DZIP3: variants seen among roughly 807,000 people sequenced by gnomAD.
The protein encoded by DZIP3 is E3 ubiquitin-protein ligase DZIP3.
A neutral mutation model predicts 162.0 loss-of-function variants in DZIP3; 118 were observed. The observed-to-expected ratio is 0.73, with a 90% CI of 0.63 to 0.85. DZIP3 has a LOEUF of 0.85. Ranked by LOEUF, DZIP3 falls within the 40% of genes least tolerant of loss-of-function variation. DZIP3 has a pLI of 0.00. For synonymous variants in DZIP3, 438 were observed against 458.6 expected, an observed-to-expected ratio of 0.96 and a Z score of 0.57; for missense variants, 1,331 against 1,407.0, an observed-to-expected ratio of 0.95 and a Z score of 0.86.
chr3:108,607,980 T>A, intron 2 of DZIP3, 109 bp from the exon 3 acceptor site: 1 of 910,966 alleles, frequency 1.1e-6, no homozygotes, highest in South Asian at 1.4e-5. Flanking sequence ...CTTTGATACA[T>A]TTTGGTTACA....
intron 19 of DZIP3, among the ~76,000 whole-genome samples, chr3:108,659,849 C>A (rs1423762430): frequency 6.6e-6 from 1 of 151,932 alleles, no homozygotes; most frequent in African/African-American, 2.4e-5. Context: ...CAATAACAGA[C>A]AAACAGAGAG....
At chr3:108,642,286 G>C in intron 12 of DZIP3, 152 bp from the exon 13 acceptor site, 1 of 826,716 alleles carries the variant, frequency 1.2e-6, no homozygotes, top group Non-Finnish European at 1.8e-6. Context: ...TTTCATTGTT[G>C]GTGAGCTCTA....
At chr3:108,620,749 T>C (rs1476824471) in intron 5 of DZIP3, among the ~76,000 whole-genome samples, 1 of 152,240 alleles carries the variant, frequency 6.6e-6, no homozygotes, top group Non-Finnish European at 1.5e-5. Context: ...AGCTTTATGT[T>C]CATACTATTT....
At position 108,651,299 on chromosome 3, in the gene DZIP3, A is replaced by G. The variant is rs186600820; in HGVS notation, c.2033+137A>G. The G allele has an allele frequency of 2.6e-3, 653 of 248,354 alleles. 1 individual carries two copies. Among genetic ancestry groups the G allele is most frequent in the Middle Eastern group, 6.9e-3 (4 of 582 alleles). 15.4% of individuals were successfully genotyped at this position (248,354 alleles called of 1,614,324 possible). A position where few individuals can be genotyped will look rare whatever the true frequency, so the allele number is the denominator to read the frequency against. ...GGATAGTTCCTTGTCTTAATAATTA[A>G]CAAGTTGCTGCTTTTTTATAGAAAG... On this transcript the variant is annotated intron_variant, in intron 18 of 32. Coordinates refer to ENST00000361582, the MANE Select transcript of DZIP3 (RefSeq NM_014648.4).
In DZIP3 at chr3:108,607,193, A is replaced by G. The variant is rs766415772; in HGVS notation, c.33-896A>G. Reference sequence around the variant, plus strand: ...TTGGCATGTGTATATCATCTTTTGTAGAAACTTTCACTAGAAGTTTGAAAA... The same window carrying G: ...TTGGCATGTGTATATCATCTTTTGTGGAAACTTTCACTAGAAGTTTGAAAA... On this transcript the variant is annotated intron_variant, in intron 2 of 32. Coordinates refer to ENST00000361582, the MANE Select transcript of DZIP3 (RefSeq NM_014648.4). 2.6e-5 allele frequency among the ~76,000 whole-genome samples: 4 copies of G among 152,192 alleles called. No homozygotes were observed. In the South Asian group the frequency reaches 6.2e-4, roughly 24 times the overall value.
At chr3:108,609,090 C>T (rs574091753) in intron 3 of DZIP3, among the ~76,000 whole-genome samples, 1 of 152,196 alleles carries the variant, frequency 6.6e-6, no homozygotes, top group African/African-American at 2.4e-5. Context: ...TGCGACAGCA[C>T]TAGGGAGATG....
At chr3:108,603,510 G>A (rs1559718480) in intron 1 of DZIP3, among the ~76,000 whole-genome samples, 2 of 152,138 alleles carry the variant, frequency 1.3e-5, no homozygotes, top group African/African-American at 2.4e-5. Flanking sequence ...TTTTTGAAAT[G>A]AGTAAAACTA....
intron 31 of DZIP3, among the ~76,000 whole-genome samples, chr3:108,689,544 G>T (rs1320210838): frequency 6.6e-6 from 1 of 152,016 alleles, no homozygotes; most frequent in Non-Finnish European, 1.5e-5. Flanking sequence ...AAAATTAGCC[G>T]GGCGTGGTGG....
chr3:108,664,903 AGT>A (rs1943605685), intron 21 of DZIP3, among the ~76,000 whole-genome samples: 1 of 152,210 alleles, frequency 6.6e-6, no homozygotes, highest in South Asian at 2.1e-4. Flanking sequence ...GCACTGAGGC[AGT>A]GTGAGTCAGT....
At chr3:108,662,344 G>A in intron 21 of DZIP3, 87 bp downstream of exon 21, 1 of 1,430,666 alleles carries the variant, frequency 7.0e-7, no homozygotes, top group Non-Finnish European at 9.2e-7. Context: ...CCACTAGGTG[G>A]CACTGTGACT....
chr3:108,600,912 G>C (rs1939977668), intron 1 of DZIP3, among the ~76,000 whole-genome samples: 2 of 152,120 alleles, frequency 1.3e-5, no homozygotes, highest in African/African-American at 4.8e-5. Context: ...TCACTAGCTA[G>C]CTGTGTGATT....
At chr3:108,620,802 A>G (rs1446335499) in intron 5 of DZIP3, among the ~76,000 whole-genome samples, 3 of 151,942 alleles carry the variant, frequency 2.0e-5, no homozygotes, top group Non-Finnish European at 4.4e-5. Context: ...GATTTAAAAG[A>G]TCATTGTTTT....
intron 10 of DZIP3, 141 bp downstream of exon 10, chr3:108,635,113 CTTCT>C: frequency 1.9e-6 from 1 of 521,094 alleles, no homozygotes; most frequent in South Asian, 3.0e-5. Flanking sequence ...CTTTTACTTC[CTTCT>C]TTGTTCTTTC....
At chr3:108,682,909 T>TA (rs1944372292) in intron 26 of DZIP3, among the ~76,000 whole-genome samples, 1 of 150,742 alleles carries the variant, frequency 6.6e-6, no homozygotes, top group Non-Finnish European at 1.5e-5. Context: ...AAAATAAAAA[T>TA]AAAGTGTTAG....
intron 1 of DZIP3, among the ~76,000 whole-genome samples, chr3:108,593,251 T>C (rs1939525201): frequency 6.6e-6 from 1 of 152,210 alleles, no homozygotes; most frequent in South Asian, 2.1e-4. Flanking sequence ...TACTTACCTA[T>C]CTAATCTTTA....
chr3:108,626,043 GT>G, intron 7 of DZIP3, 74 bp downstream of exon 7: 1 of 1,483,920 alleles, frequency 6.7e-7, no homozygotes, highest in Non-Finnish European at 9.1e-7. Flanking sequence ...AGTGTGCACA[GT>G]ATATCAGGCA....
chr3:108,637,618 T>C, intron 12 of DZIP3, 70 bp downstream of exon 12: 1 of 1,291,604 alleles, frequency 7.7e-7, no homozygotes, highest in East Asian at 2.3e-5. Flanking sequence ...GCTTAATTCT[T>C]CTGTGTTTCT....
intron 5 of DZIP3, among the ~76,000 whole-genome samples, chr3:108,617,164 G>A (rs1310535500): frequency 6.6e-6 from 1 of 152,114 alleles, no homozygotes; most frequent in Non-Finnish European, 1.5e-5. Flanking sequence ...TCAGTTAGAT[G>A]TGAAGAATAA....
At chr3:108,617,650 C>A (rs1019997850) in intron 5 of DZIP3, among the ~76,000 whole-genome samples, 1 of 152,058 alleles carries the variant, frequency 6.6e-6, no homozygotes, top group African/African-American at 2.4e-5. Flanking sequence ...AAAAATAATA[C>A]TTATTTAGGA....
Sources: gnomAD v4.1 joint callset for allele counts (sites outside exome capture counted in the v4.1 genomes callset) on GRCh38, gnomAD v4.1.1 for gene constraint, MANE v1.5 for transcripts, NCBI Gene and HGNC (gene_info 2026-07-23, HGNC 2026-07-21) for gene names.